The following KDM5B variants were observed in gnomAD, a reference collection of about 807,000 sequenced individuals.
The protein encoded by KDM5B is lysine-specific demethylase 5B.
KDM5B carries 144 observed loss-of-function variants against 193.4 expected under a neutral mutation model. That is an observed-to-expected ratio of 0.74 (90% CI 0.65 to 0.86). The LOEUF (loss-of-function observed/expected upper bound fraction) is 0.86, where lower values mean the gene tolerates loss of function less well. Ranked by LOEUF, KDM5B falls within the 40% of genes least tolerant of loss-of-function variation. The pLI is 0.00. For missense variants in KDM5B, 1,833 were observed against 1,886.9 expected (o/e 0.97, Z 0.53); for synonymous variants, 668 against 682.6 (o/e 0.98, Z 0.33).
chr1:202,762,649 G>C (rs965080277), intron 7 of KDM5B, 50 bp downstream of exon 7: 1 of 1,043,982 alleles, frequency 9.6e-7, no homozygotes, highest in African/African-American at 1.6e-5. Context: ...AAGAAAGGAA[G>C]GGAAGAAGGA....
chr1:202,772,690 A>AG (rs1656768683), intron 4 of KDM5B, among the ~76,000 whole-genome samples: 1 of 151,742 alleles, frequency 6.6e-6, no homozygotes, highest in Non-Finnish European at 1.5e-5. Flanking sequence ...ACACAAAACA[A>AG]GGTCTTTTTT....
chr1:202,745,505 C>G (rs1189731096), intron 16 of KDM5B, among the ~76,000 whole-genome samples: 6 of 151,762 alleles, frequency 4.0e-5, no homozygotes, highest in African/African-American at 1.2e-4. Flanking sequence ...GCCTTTGTCA[C>G]AAGATGCTTT....
At position 202,764,909 on chromosome 1, in the gene KDM5B, A is replaced by G. The variant is rs181332805; in HGVS notation, c.712-764T>C. Among the ~76,000 whole-genome samples the G allele has an allele frequency of 2.1e-4, 32 of 152,250 alleles. No individual in the cohort carries two copies. The East Asian group carries it at 5.6e-3, about 27-fold the overall frequency. On this transcript the variant is annotated intron_variant, in intron 5 of 26. Coordinates refer to ENST00000367265, the MANE Select transcript of KDM5B (RefSeq NM_006618.5). Reference sequence around the variant, plus strand: ...TGAGATTTGCTTGAACCCAGGAGGCAGAGGTTGCAGTGAGCCAAGACCACA... The same window carrying G: ...TGAGATTTGCTTGAACCCAGGAGGCGGAGGTTGCAGTGAGCCAAGACCACA...
rs1656990138 is a variant in KDM5B, at chr1:202,777,140, G to A, written c.205-46C>T. On this transcript the variant is annotated intron_variant, in intron 1 of 26. Transcript: ENST00000367265. Reference sequence around the variant, plus strand: ...TTATTAGAATAACTTATAAGCATTTGACATTCAAAAATTTGTTTTAAAATT... The same window carrying A: ...TTATTAGAATAACTTATAAGCATTTAACATTCAAAAATTTGTTTTAAAATT... The A allele has an allele frequency of 2.1e-6, 3 of 1,425,364 alleles. No homozygotes were observed. In the South Asian group the frequency reaches 3.5e-5, roughly 17 times the overall value. 88.3% of individuals were successfully genotyped at this position (1,425,364 alleles called of 1,614,324 possible).
intron 4 of KDM5B, among the ~76,000 whole-genome samples, chr1:202,769,162 A>C (rs1324555018): frequency 1.4e-5 from 2 of 147,566 alleles, no homozygotes; most frequent in Non-Finnish European, 1.5e-5. Context: ...TCAGCCTCCC[A>C]AGTAGCTGGG....
At position 202,729,890 on chromosome 1, in the gene KDM5B, G is replaced by T; in HGVS notation, c.4314C>A (p.Ile1438=). 1 of 1,614,138 alleles carries T rather than the reference G, an allele frequency of 6.2e-7. No individual in the cohort carries two copies. The highest frequency in any genetic ancestry group is 8.5e-7 in the Non-Finnish European group (1 of 1,180,008). The change falls in exon 26 of 27, where the codon ATC becomes ATA. Residue 1438 remains isoleucine (I), a synonymous_variant. Coordinates refer to ENST00000367265, the MANE Select transcript of KDM5B (RefSeq NM_006618.5). ...KKMRTPKKKK[I]KLSHPKDMNN... is the part of the protein sequence containing the mutation. Reference sequence around the variant, plus strand: ...TCATGTCCTTGGGGTGGCTCAGTTTGATTTTCTTCTTTTTGGGGGTCCGCA... The same window carrying T: ...TCATGTCCTTGGGGTGGCTCAGTTTTATTTTCTTCTTTTTGGGGGTCCGCA...
At chr1:202,764,640 C>T (rs1305771203) in intron 5 of KDM5B, among the ~76,000 whole-genome samples, 1 of 151,862 alleles carries the variant, frequency 6.6e-6, no homozygotes, top group African/African-American at 2.4e-5. Context: ...ATCTCAAAAA[C>T]AAACAAACAA....
intron 1 of KDM5B, among the ~76,000 whole-genome samples, chr1:202,805,655 G>C (rs1488642336): frequency 6.6e-6 from 1 of 152,094 alleles, no homozygotes; most frequent in East Asian, 1.9e-4. Context: ...CACACTTCTT[G>C]AAGGGTTTTT....
In KDM5B at chr1:202,730,983, G is replaced by A; in HGVS notation, c.4102C>T (p.Gln1368Ter). 6.2e-7 allele frequency: 1 copy of A among 1,613,836 alleles called. No individual in the cohort carries two copies. Among genetic ancestry groups the A allele is most frequent in the Non-Finnish European group, 8.5e-7 (1 of 1,179,834 alleles). ...VSLPEIQELY[Q>*]TLLAKPSPAQ... ...GGGCTTGGCTTTGCAAGTAAAGTCT[G>A]GTAAAGTTCCTGAATTTCAGGAAGG... The change falls in exon 25 of 27, where the codon CAG becomes TAG. Residue 1368 changes from glutamine to a stop codon, truncating the protein, a stop_gained. Coordinates refer to ENST00000367265, the MANE Select transcript of KDM5B (RefSeq NM_006618.5). LOFTEE classifies it high-confidence loss of function.
At position 202,746,313 on chromosome 1, in the gene KDM5B, T is replaced by C. The variant is rs773064262; in HGVS notation, c.2027A>G (p.Asp676Gly). 1.2e-6 allele frequency: 2 copies of C among 1,605,776 alleles called. No homozygotes were observed. The highest frequency in any genetic ancestry group is 1.3e-5 in the African/African-American group (1 of 74,298). ...CAGCTCAAAATCCATTCTTTCCGAATCAATCACTCCCTAGAATAAAGTATA... is the reference window on the plus strand; with the variant it reads ...CAGCTCAAAATCCATTCTTTCCGAACCAATCACTCCCTAGAATAAAGTATA... ...RETVRKLGVI[D>G]SERMDFELLP... is the part of the protein sequence containing the mutation. The change falls in exon 15 of 27, where the codon GAT becomes GGT. Residue 676 changes from aspartate to glycine, a missense_variant. Asp to Gly is a moderately conservative substitution (Grantham distance 94). This residue lies in a region of KDM5B where 1,379 missense variants were observed against 1,349.6 expected (regional missense o/e 1.02). Coordinates refer to ENST00000367265, the MANE Select transcript of KDM5B (RefSeq NM_006618.5).
At chr1:202,786,618 C>CTGAGT (rs1657424831) in intron 1 of KDM5B, among the ~76,000 whole-genome samples, 1 of 152,234 alleles carries the variant, frequency 6.6e-6, no homozygotes, top group Non-Finnish European at 1.5e-5. Flanking sequence ...CAACCTAATA[C>CTGAGT]CATGCCATTT....
chr1:202,736,337 C>T lies in KDM5B; in HGVS notation c.3140G>A (p.Arg1047Gln), dbSNP rs767953294. The T allele has an allele frequency of 3.5e-5, 56 of 1,611,816 alleles. No homozygotes were observed. The highest frequency in any genetic ancestry group is 4.5e-5 in the Non-Finnish European group (53 of 1,178,828). ...AGAATTCAGATGTACGGGGATAGATCGGCCTCGTGTAACAAGTTCTATGAG... is the reference window on the plus strand; with the variant it reads ...AGAATTCAGATGTACGGGGATAGATTGGCCTCGTGTAACAAGTTCTATGAG... Reference protein sequence around the residue: ...DTLIELVTRGRSIPVHLNSLP... With the variant: ...DTLIELVTRGQSIPVHLNSLP... The change falls in exon 21 of 27, where the codon CGA (arginine) becomes CAA (glutamine). Residue 1047 changes from arginine to glutamine, a missense_variant. Arg to Gln is a conservative substitution (Grantham distance 43). Coordinates refer to ENST00000367265, the MANE Select transcript of KDM5B (RefSeq NM_006618.5).
At chr1:202,784,291 C>T (rs925023781) in intron 1 of KDM5B, among the ~76,000 whole-genome samples, 3 of 152,162 alleles carry the variant, frequency 2.0e-5, no homozygotes, top group African/African-American at 7.2e-5. Flanking sequence ...CGAAAGTTGG[C>T]TCTAACTCCC....
chr1:202,746,143 G>T lies in KDM5B; in HGVS notation c.2197C>A (p.Arg733=). The T allele has an allele frequency of 6.2e-7, 1 of 1,603,920 alleles. No individual in the cohort carries two copies. Among genetic ancestry groups the T allele is most frequent in the Middle Eastern group, 1.7e-4 (1 of 6,000 alleles). ...AAAAAAATCGTTCTTCCTACTTACC[G>T]CAATTTATATTTGTAAGGAGGACAG... ...CSCPPYKYKL[R]YRYTLDDLYP... is the part of the protein sequence containing the mutation. The change falls in exon 15 of 27, where the codon CGG becomes AGG. Residue 733 remains arginine (R), a splice_region_variant and synonymous_variant. Transcript: ENST00000367265.
At position 202,740,528 on chromosome 1, in the gene KDM5B, C is replaced by T. The variant is rs572593210; in HGVS notation, c.3084+146G>A. ...GGGGCTCCTCACTTCCCAGTAGGGGCGGCTGGGCAGAGGCGCCCCTCACCT... is the reference window on the plus strand; with the variant it reads ...GGGGCTCCTCACTTCCCAGTAGGGGTGGCTGGGCAGAGGCGCCCCTCACCT... On this transcript the variant is annotated intron_variant, in intron 20 of 26. Coordinates refer to ENST00000367265, the MANE Select transcript of KDM5B (RefSeq NM_006618.5). 1,442 of 489,374 alleles carry T rather than the reference C, an allele frequency of 2.9e-3. 22 individuals are homozygous for T. The highest frequency in any genetic ancestry group is 0.027 in the African/African-American group (1,293 of 47,778). 30.3% of individuals were successfully genotyped at this position (489,374 alleles called of 1,614,324 possible). A position where few individuals can be genotyped will look rare whatever the true frequency, so the allele number is the denominator to read the frequency against.
At chr1:202,791,143 C>T (rs994699075) in intron 1 of KDM5B, among the ~76,000 whole-genome samples, 9 of 152,142 alleles carry the variant, frequency 5.9e-5, no homozygotes, top group African/African-American at 1.7e-4. Context: ...ACTGTAGTAG[C>T]GCTGGTATTA....
intron 20 of KDM5B, among the ~76,000 whole-genome samples, chr1:202,736,913 A>C (rs1191361659): frequency 6.6e-6 from 1 of 152,186 alleles, no homozygotes; most frequent in African/African-American, 2.4e-5. Context: ...AAGTGCTGGG[A>C]TTACAGTGAG....
At chr1:202,746,967 T>C (rs1558489245) in intron 14 of KDM5B, among the ~76,000 whole-genome samples, 1 of 152,216 alleles carries the variant, frequency 6.6e-6, no homozygotes, top group African/African-American at 2.4e-5. Flanking sequence ...CAACATAATC[T>C]GTACCACCTA....
intron 16 of KDM5B, among the ~76,000 whole-genome samples, chr1:202,744,182 T>G (rs947267297): frequency 6.6e-6 from 1 of 152,200 alleles, no homozygotes; most frequent in Non-Finnish European, 1.5e-5. Flanking sequence ...GAAAAGATAC[T>G]TTTCAAAAGA....
Sources: allele counts gnomAD v4.1 joint callset (sites outside exome capture counted in the v4.1 genomes callset), GRCh38; gene constraint gnomAD v4.1.1; regional missense constraint gnomAD v4.1.1; transcripts MANE v1.5; gene names NCBI Gene and HGNC (gene_info 2026-07-23, HGNC 2026-07-21).